DLC1: variants seen among roughly 807,000 people sequenced by gnomAD.
DLC1 encodes the protein rho GTPase-activating protein 7.
A neutral mutation model predicts 140.3 loss-of-function variants in DLC1; 54 were observed. That is an observed-to-expected ratio of 0.38 (90% confidence interval 0.31 to 0.48). DLC1 has a LOEUF of 0.48. Ranked by LOEUF, DLC1 falls within the 20% of genes least tolerant of loss-of-function variation. The pLI is 0.96. For synonymous variants in DLC1, 986 were observed against 728.1 expected, an observed-to-expected ratio of 1.35 and a Z score of -5.70; for missense variants, 2,536 against 1,907.0, an observed-to-expected ratio of 1.33 and a Z score of -6.14.
chr8:13,287,910 T>A (rs561635416), intron 5 of DLC1, among the ~76,000 whole-genome samples: 4 of 152,178 alleles, frequency 2.6e-5, no homozygotes, highest in African/African-American at 9.6e-5. Context: ...TAGAATTTCT[T>A]AGGAGAATAT....
intron 5 of DLC1, among the ~76,000 whole-genome samples, chr8:13,228,197 T>C (rs955109199): frequency 6.6e-6 from 1 of 152,208 alleles, no homozygotes; most frequent in East Asian, 1.9e-4. Flanking sequence ...GGGGATTTTT[T>C]GGGGGGATTT....
intron 5 of DLC1, among the ~76,000 whole-genome samples, chr8:13,278,110 T>C (rs1276472408): frequency 2.6e-5 from 4 of 152,246 alleles, no homozygotes; most frequent in Non-Finnish European, 5.9e-5. Context: ...CCATTGAGCA[T>C]GTACTTCATG....
At chr8:13,195,929 CA>C (rs1827023710) in intron 5 of DLC1, among the ~76,000 whole-genome samples, 2 of 151,934 alleles carry the variant, frequency 1.3e-5, no homozygotes, top group South Asian at 2.1e-4. Context: ...TTTTAATTGC[CA>C]CTTATAATTA....
chr8:13,268,748 T>A, intron 5 of DLC1, among the ~76,000 whole-genome samples: 1 of 152,032 alleles, frequency 6.6e-6, no homozygotes. Flanking sequence ...TCTTTTTGTG[T>A]GTTTATAGGA....
At chr8:13,221,908 ATATT>A (rs200411387) in intron 5 of DLC1, among the ~76,000 whole-genome samples, 4,771 of 144,750 alleles carry the variant, frequency 0.033, 262 homozygotes, top group African/African-American at 0.11. Flanking sequence ...ATTAAAATAT[ATATT>A]AGTATATAAA....
At chr8:13,340,941 CA>C (rs1563265873) in intron 4 of DLC1, 1 of 152,168 alleles carries the variant, frequency 6.6e-6, no homozygotes, top group Non-Finnish European at 1.5e-5. Context: ...GTAGTTTTAC[CA>C]GCGTCTAACT....
intron 2 of DLC1, among the ~76,000 whole-genome samples, chr8:13,487,338 C>T (rs947821892): frequency 6.6e-6 from 1 of 152,104 alleles, no homozygotes; most frequent in African/African-American, 2.4e-5. Flanking sequence ...TCATAATTCT[C>T]TTAAGAAAAA....
At chr8:13,409,262 A>G (rs1837687982) in intron 2 of DLC1, among the ~76,000 whole-genome samples, 1 of 152,194 alleles carries the variant, frequency 6.6e-6, no homozygotes, top group African/African-American at 2.4e-5. Flanking sequence ...TCTAACACAT[A>G]TTAAACTACA....
At chr8:13,439,890 G>C (rs760510803) in intron 2 of DLC1, among the ~76,000 whole-genome samples, 2 of 152,102 alleles carry the variant, frequency 1.3e-5, no homozygotes, top group African/African-American at 2.4e-5. Flanking sequence ...TCGCCTCACA[G>C]AAGTGAAATT....
intron 5 of DLC1, among the ~76,000 whole-genome samples, chr8:13,255,603 G>T (rs1365835801): frequency 3.9e-5 from 6 of 152,176 alleles, no homozygotes; most frequent in Admixed American, 3.9e-4. Context: ...CAAGCAAGAT[G>T]ACTCTGGATT....
rs189612549 is a variant in DLC1 at position 13,250,655 on chromosome 8, T to C, written c.1348+54614A>G. ...AATTTAATACTATAAGAAAGTTCAG[T>C]GCATTGCTGTGTAAGTCTACTGGGG... is the stretch of plus-strand genomic sequence containing the variant. On this transcript the variant is annotated intron_variant, in intron 5 of 17. Coordinates refer to ENST00000276297, the MANE Select transcript of DLC1 (RefSeq NM_182643.3). Among the ~76,000 whole-genome samples the C allele has an allele frequency of 1.2e-3, 181 of 152,280 alleles. 1 individual carries two copies. The highest frequency in any genetic ancestry group is 1.9e-3 in the Non-Finnish European group (132 of 68,024).
intron 2 of DLC1, among the ~76,000 whole-genome samples, chr8:13,415,155 C>A (rs771198298): frequency 2.6e-5 from 4 of 151,906 alleles, no homozygotes; most frequent in Non-Finnish European, 5.9e-5. Context: ...TAGTGCCATA[C>A]AATGTGATTT....
At position 13,092,744 on chromosome 8, in the gene DLC1, G is replaced by C; in HGVS notation, c.3608C>G (p.Thr1203Ser). The change falls in exon 13 of 18, where the codon ACC becomes AGC. Residue 1203 changes from threonine (T) to serine (S), a missense_variant. Thr to Ser is a moderately conservative substitution (Grantham distance 58). Transcript: ENST00000276297. ...GACATCGCTCAGGAAATAAAGCAGG[G>C]TCTGCAGAACCTCCCGGTTCTCGTC... Reference protein sequence around the residue: ...LPDENREVLQTLLYFLSDVTA... With the variant: ...LPDENREVLQSLLYFLSDVTA... 1 of 1,614,162 alleles carries C rather than the reference G, an allele frequency of 6.2e-7. No homozygotes were observed. The highest frequency in any genetic ancestry group is 1.3e-5 in the African/African-American group (1 of 75,038).
intron 4 of DLC1, among the ~76,000 whole-genome samples, chr8:13,328,499 G>T (rs1487911064): frequency 6.6e-6 from 1 of 152,190 alleles, no homozygotes; most frequent in Non-Finnish European, 1.5e-5. Context: ...GAAGACTGCA[G>T]CTGAAGTGGA....
At chr8:13,244,881 C>G (rs1299658551) in intron 5 of DLC1, among the ~76,000 whole-genome samples, 1 of 152,228 alleles carries the variant, frequency 6.6e-6, no homozygotes, top group Non-Finnish European at 1.5e-5. Flanking sequence ...CTCACTTTAA[C>G]CATTCCAGGC....
At chr8:13,466,068 A>G (rs1398673116) in intron 2 of DLC1, among the ~76,000 whole-genome samples, 1 of 152,192 alleles carries the variant, frequency 6.6e-6, no homozygotes, top group Non-Finnish European at 1.5e-5. Flanking sequence ...CTCACTGGGC[A>G]TAGACGGGGC....
chr8:13,242,308 C>T (rs1257435263), intron 5 of DLC1, among the ~76,000 whole-genome samples: 1 of 152,040 alleles, frequency 6.6e-6, no homozygotes, highest in Admixed American at 6.5e-5. Context: ...GAAACCATTT[C>T]TGACACACAT....
intron 5 of DLC1, among the ~76,000 whole-genome samples, chr8:13,258,093 C>T (rs1199223966): frequency 6.6e-6 from 1 of 152,212 alleles, no homozygotes. Context: ...TTTAGAGTGG[C>T]TGCTATCTCA....
intron 2 of DLC1, among the ~76,000 whole-genome samples, chr8:13,406,818 T>G (rs142552929): frequency 4.3e-4 from 65 of 152,348 alleles, no homozygotes; most frequent in African/African-American, 1.5e-3. Context: ...AGTGCCTGTT[T>G]AGAACATGAA....
Sources: gnomAD v4.1 joint callset for allele counts (sites outside exome capture counted in the v4.1 genomes callset) on GRCh38, gnomAD v4.1.1 for gene constraint, MANE v1.5 for transcripts, NCBI Gene and HGNC (gene_info 2026-07-23, HGNC 2026-07-21) for gene names.